VMP1: variants seen among roughly 807,000 people sequenced by gnomAD.
VMP1 encodes the protein vacuole membrane protein 1, also known as ectopic P-granules autophagy protein 3 homolog.
A neutral mutation model predicts 56.0 loss-of-function variants in VMP1; 11 were observed. That is an observed-to-expected ratio of 0.20 (90% confidence interval 0.12 to 0.32). VMP1 has a LOEUF of 0.32. Ranked by LOEUF, VMP1 falls within the 10% of genes least tolerant of loss-of-function variation. The pLI is 1.00. For missense variants in VMP1, 296 were observed against 490.3 expected, an observed-to-expected ratio of 0.60 and a Z score of 3.74; for synonymous variants, 149 against 165.0, an observed-to-expected ratio of 0.90 and a Z score of 0.74.
At chr17:59,795,792 CTTCA>C (rs1040601179) in intron 7 of VMP1, among the ~76,000 whole-genome samples, 1 of 152,040 alleles carries the variant, frequency 6.6e-6, no homozygotes, top group African/African-American at 2.4e-5. Flanking sequence ...AGATATTTTA[CTTCA>C]TTGGGTATCA....
intron 7 of VMP1, among the ~76,000 whole-genome samples, chr17:59,796,519 A>G (rs981308486): frequency 7.2e-5 from 11 of 152,238 alleles, no homozygotes; most frequent in Admixed American, 2.0e-4. Flanking sequence ...GCTTTTAAAT[A>G]AGAATTCTGA....
intron 5 of VMP1, among the ~76,000 whole-genome samples, chr17:59,742,780 G>A (rs986447019): frequency 1.2e-4 from 19 of 152,086 alleles, no homozygotes; most frequent in African/African-American, 4.3e-4. Context: ...TACTGCCTGA[G>A]CTCTACCTCC....
At position 59,743,559 on chromosome 17, in the gene VMP1, G is replaced by GCT. The variant is rs367998812; in HGVS notation, c.414+4633_414+4634dup. Among the ~76,000 whole-genome samples, 507 of 145,010 alleles carry GCT rather than the reference G, an allele frequency of 3.5e-3. 2 individuals carry two copies. The highest frequency in any genetic ancestry group is 6.7e-3 in the African/African-American group (267 of 39,904). Reference sequence around the variant, plus strand: ...GTTTGGCAATTATTTTTAAAAAACTGCTCTCTCTCTCTCTCTCTCTCTATA... The same window carrying GCT: ...GTTTGGCAATTATTTTTAAAAAACTGCTCTCTCTCTCTCTCTCTCTCTCTATA... On this transcript the variant is annotated intron_variant, in intron 5 of 11. Coordinates refer to ENST00000262291, the MANE Select transcript of VMP1 (RefSeq NM_030938.5).
chr17:59,731,567 G>T (rs540431484), intron 2 of VMP1, 45 bp downstream of exon 2: 8 of 1,364,046 alleles, frequency 5.9e-6, no homozygotes, highest in African/African-American at 3.0e-5. Flanking sequence ...GGGTTTAAAT[G>T]ATATACTTTT....
At chr17:59,802,859 A>C (rs1453324515) in intron 7 of VMP1, among the ~76,000 whole-genome samples, 1 of 152,066 alleles carries the variant, frequency 6.6e-6, no homozygotes, top group Non-Finnish European at 1.5e-5. Flanking sequence ...CAATTCTCCC[A>C]CCTCAGCCTC....
At chr17:59,801,355 C>T (rs9904386) in intron 7 of VMP1, among the ~76,000 whole-genome samples, 9,818 of 151,384 alleles carry the variant, frequency 0.065, 1,027 homozygotes, top group African/African-American at 0.22. Context: ...TGGCAATCCT[C>T]CTGCCTCAGT....
chr17:59,762,886 C>T (rs1467168775), intron 5 of VMP1, among the ~76,000 whole-genome samples: 1 of 152,116 alleles, frequency 6.6e-6, no homozygotes, highest in Non-Finnish European at 1.5e-5. Context: ...TGTTAGGATA[C>T]ATTTTTTATA....
chr17:59,804,778 A>C (rs1306792449), intron 7 of VMP1, among the ~76,000 whole-genome samples: 1 of 152,096 alleles, frequency 6.6e-6, no homozygotes, highest in Non-Finnish European at 1.5e-5. Context: ...GCAAGGAAAA[A>C]AATCAAGAAA....
intron 5 of VMP1, among the ~76,000 whole-genome samples, chr17:59,741,893 A>ATCTACATC (rs2035239839): frequency 6.6e-6 from 1 of 152,082 alleles, no homozygotes; most frequent in Non-Finnish European, 1.5e-5. Context: ...GTATCCTTTG[A>ATCTACATC]TCTACATCTC....
chr17:59,802,859 A>G (rs1453324515), intron 7 of VMP1, among the ~76,000 whole-genome samples: 1 of 152,064 alleles, frequency 6.6e-6, no homozygotes, highest in African/African-American at 2.4e-5. Context: ...CAATTCTCCC[A>G]CCTCAGCCTC....
At chr17:59,760,507 A>C (rs1213240234) in intron 5 of VMP1, among the ~76,000 whole-genome samples, 3 of 151,826 alleles carry the variant, frequency 2.0e-5, no homozygotes, top group African/African-American at 4.8e-5. Context: ...TAGATGTTTT[A>C]TTTTTATCTA....
chr17:59,730,275 T>C (rs2034775379), intron 1 of VMP1, among the ~76,000 whole-genome samples: 3 of 146,074 alleles, frequency 2.1e-5, no homozygotes, highest in East Asian at 2.0e-4. Flanking sequence ...TTTCACTTTC[T>C]TTTTTTTTTT....
intron 6 of VMP1, among the ~76,000 whole-genome samples, chr17:59,766,407 G>A (rs1488749089): frequency 6.6e-6 from 1 of 152,114 alleles, no homozygotes; most frequent in Non-Finnish European, 1.5e-5. Flanking sequence ...GGGATGCTGA[G>A]GCATGAGAAT....
At chr17:59,715,067 G>T (rs900890646) in intron 1 of VMP1, among the ~76,000 whole-genome samples, 6 of 152,198 alleles carry the variant, frequency 3.9e-5, no homozygotes, top group African/African-American at 1.4e-4. Flanking sequence ...TAGATTTATA[G>T]TAATTGTTGA....
chr17:59,736,264 G>A lies in VMP1; in HGVS notation c.212+791G>A, dbSNP rs191242342. Reference sequence around the variant, plus strand: ...CTAAAAATATAAAAATTAGCCGGGCGTGGTGGCATGTGCCTGTAGTCCCAG... The same window carrying A: ...CTAAAAATATAAAAATTAGCCGGGCATGGTGGCATGTGCCTGTAGTCCCAG... On this transcript the variant is annotated intron_variant, in intron 3 of 11. Transcript: ENST00000262291. Among the ~76,000 whole-genome samples the A allele has an allele frequency of 2.4e-3, 356 of 150,130 alleles. 6 individuals carry two copies. The highest frequency in any genetic ancestry group is 6.4e-4 in the South Asian group (3 of 4,722).
intron 6 of VMP1, among the ~76,000 whole-genome samples, chr17:59,771,868 A>G (rs551815977): frequency 6.6e-6 from 1 of 152,048 alleles, no homozygotes; most frequent in African/African-American, 2.4e-5. Context: ...GGTGCGAGCC[A>G]TGACGTCTGA....
chr17:59,783,838 T>C (rs2036910963), intron 7 of VMP1, among the ~76,000 whole-genome samples: 1 of 152,148 alleles, frequency 6.6e-6, no homozygotes, highest in Admixed American at 6.6e-5. Flanking sequence ...TCTTTACTAG[T>C]TTTTTATCCC....
intron 5 of VMP1, among the ~76,000 whole-genome samples, chr17:59,760,707 G>A (rs984440675): frequency 6.6e-5 from 10 of 152,162 alleles, no homozygotes; most frequent in Middle Eastern, 6.8e-3. Context: ...TGCAATCTCC[G>A]CCTCCCGGAT....
rs910495786 is a variant in VMP1 at position 59,841,022 on chromosome 17, G to A, written c.*1111G>A. On this transcript the variant is annotated 3_prime_UTR_variant, in exon 12 of 12. Transcript: ENST00000262291. ...TTCTTAGTGTGATTTTTTTCCATTGGGATGTTTTTGATTGAACTTGTTCAT... is the reference window on the plus strand; with the variant it reads ...TTCTTAGTGTGATTTTTTTCCATTGAGATGTTTTTGATTGAACTTGTTCAT... The A allele has an allele frequency of 5.5e-6, 1 of 181,148 alleles. No individual in the cohort carries two copies. The highest frequency in any genetic ancestry group is 2.4e-5 in the African/African-American group (1 of 42,284). The allele number at this position is 181,148 out of a possible 1,614,324, so 11.2% of individuals were successfully genotyped here. A position where few individuals can be genotyped will look rare whatever the true frequency, so the allele number is the denominator to read the frequency against.
Sources: gnomAD v4.1 joint callset for allele counts (sites outside exome capture counted in the v4.1 genomes callset) on GRCh38, gnomAD v4.1.1 for gene constraint, MANE v1.5 for transcripts, NCBI Gene and HGNC (gene_info 2026-07-23, HGNC 2026-07-21) for gene names.